ITIH5: variants seen among roughly 807,000 people sequenced by gnomAD.
The protein encoded by ITIH5 is inter-alpha-trypsin inhibitor heavy chain H5.
A neutral mutation model predicts 77.5 loss-of-function variants in ITIH5; 65 were observed. The observed-to-expected ratio is 0.84, with a 90% CI of 0.69 to 1.03. The LOEUF is 1.03. Among genes scored for constraint, ITIH5 ranks in the 50% least tolerant of loss-of-function variants. ITIH5 has a pLI of 0.00. For synonymous variants in ITIH5, 525 were observed against 494.3 expected, an observed-to-expected ratio of 1.06 and a Z score of -0.82; for missense variants, 1,208 against 1,213.1, an observed-to-expected ratio of 1.00 and a Z score of 0.06.
intron 2 of ITIH5, among the ~76,000 whole-genome samples, chr10:7,644,524 A>G (rs1464343826): frequency 8.4e-5 from 10 of 119,756 alleles, no homozygotes; most frequent in African/African-American, 2.9e-4. Flanking sequence ...TATATCACAT[A>G]TATATGATAT....
rs1440775246 is a variant in ITIH5 at position 7,629,323 on chromosome 10, A to C, written c.652+7905T>G. 1.1e-3 allele frequency among the ~76,000 whole-genome samples: 66 copies of C among 61,944 alleles called. 2 individuals carry two copies. Among genetic ancestry groups the C allele is most frequent in the African/African-American group, 3.5e-3 (46 of 13,154 alleles). The allele number at this position is 61,944 out of a possible 152,430, so 40.6% of individuals were successfully genotyped here. On this transcript the variant is annotated intron_variant, in intron 5 of 13. Coordinates refer to ENST00000397146, the MANE Select transcript of ITIH5 (RefSeq NM_030569.7). Reference sequence around the variant, plus strand: ...TGTGTCCATGTTGTAGCGTGTGCCCATGTTGTAGCGTGTGCCCATGTTGTA... The same window carrying C: ...TGTGTCCATGTTGTAGCGTGTGCCCCTGTTGTAGCGTGTGCCCATGTTGTA...
chr10:7,651,502 G>A (rs1834100600), intron 2 of ITIH5, among the ~76,000 whole-genome samples: 1 of 152,086 alleles, frequency 6.6e-6, no homozygotes, highest in African/African-American at 2.4e-5. Flanking sequence ...CAGGTGCTCG[G>A]GAGACTGAGG....
intron 2 of ITIH5, among the ~76,000 whole-genome samples, chr10:7,648,109 C>T (rs902919164): frequency 1.7e-4 from 26 of 151,476 alleles, no homozygotes; most frequent in Admixed American, 2.0e-4. Context: ...AAAAATTAGC[C>T]GGGCATGGTG....
intron 7 of ITIH5, among the ~76,000 whole-genome samples, chr10:7,591,541 C>T (rs1194727957): frequency 1.3e-5 from 2 of 152,186 alleles, no homozygotes; most frequent in African/African-American, 4.8e-5. Flanking sequence ...ACAATGTCCA[C>T]GCTGTGCCGC....
rs539892254 is a variant in ITIH5, at chr10:7,625,466, T to C, written c.653-8184A>G. ...GAATAGACTTAACACTGCCAAACAC[T>C]TAGAAGTGACTCAGATGGGCCGGGC... On this transcript the variant is annotated intron_variant, in intron 5 of 13. Transcript: ENST00000397146. Among the ~76,000 whole-genome samples the C allele has an allele frequency of 2.6e-5, 4 of 152,204 alleles. No individual in the cohort carries two copies. The East Asian group carries it at 7.7e-4, about 29-fold the overall frequency.
At chr10:7,585,850 A>AGT in intron 8 of ITIH5, 51 bp downstream of exon 8, 1 of 1,465,172 alleles carries the variant, frequency 6.8e-7, no homozygotes, top group Non-Finnish European at 9.2e-7. Context: ...ACCAAAAAAA[A>AGT]AAACATTATT....
intron 7 of ITIH5, among the ~76,000 whole-genome samples, chr10:7,609,029 G>C (rs1833188871): frequency 6.6e-6 from 1 of 152,202 alleles, no homozygotes; most frequent in Non-Finnish European, 1.5e-5. Context: ...CGGTCCATAT[G>C]TGACGTTACA....
At chr10:7,580,845 T>C (rs980439038) in intron 8 of ITIH5, among the ~76,000 whole-genome samples, 4 of 152,196 alleles carry the variant, frequency 2.6e-5, no homozygotes, top group Non-Finnish European at 5.9e-5. Context: ...CTTTCTTTGC[T>C]TCCTGTCCCT....
intron 11 of ITIH5, chr10:7,570,349 A>C (rs1832272240): frequency 1.3e-5 from 2 of 152,348 alleles, no homozygotes; most frequent in African/African-American, 4.8e-5. Flanking sequence ...AGGGAAGCAA[A>C]ATGCGAGTAG....
At chr10:7,633,871 C>T (rs1270166174) in intron 5 of ITIH5, among the ~76,000 whole-genome samples, 3 of 151,770 alleles carry the variant, frequency 2.0e-5, no homozygotes, top group Admixed American at 1.3e-4. Context: ...GGGCGGATCA[C>T]GAGGTCAGGA....
intron 4 of ITIH5, among the ~76,000 whole-genome samples, chr10:7,638,507 C>T (rs1449345068): frequency 6.6e-6 from 1 of 152,186 alleles, no homozygotes; most frequent in East Asian, 1.9e-4. Flanking sequence ...TGTTATAAGA[C>T]ATTGGAGCAA....
intron 4 of ITIH5, 68 bp downstream of exon 4, chr10:7,640,686 G>A (rs1833870816): frequency 2.1e-6 from 2 of 938,172 alleles, no homozygotes; most frequent in South Asian, 1.4e-5. Context: ...AGAGGAGTAG[G>A]CAAAGGCATA....
Position 7,565,435 on chromosome 10 carries a change from CAT to C in ITIH5, c.2527+593_2527+594del, listed in dbSNP as rs530648913. Among the ~76,000 whole-genome samples the C allele has an allele frequency of 5.6e-3, 841 of 150,064 alleles. 14 individuals are homozygous for C. Among genetic ancestry groups the C allele is most frequent in the African/African-American group, 0.019 (798 of 40,996 alleles). On this transcript the variant is annotated intron_variant, in intron 13 of 13. Coordinates refer to ENST00000397146, the MANE Select transcript of ITIH5 (RefSeq NM_030569.7). ...TAGACAGTATACATACATATATACA[CAT>C]AGACTGTGTATATATACACACAGAC...
At chr10:7,601,696 G>A (rs529715491) in intron 7 of ITIH5, among the ~76,000 whole-genome samples, 8 of 152,210 alleles carry the variant, frequency 5.3e-5, no homozygotes, top group African/African-American at 1.7e-4. Context: ...ACACAGGGCC[G>A]ACGGCCATCC....
At chr10:7,615,083 C>CT (rs1833337723) in intron 7 of ITIH5, among the ~76,000 whole-genome samples, 7 of 152,034 alleles carry the variant, frequency 4.6e-5, no homozygotes, top group Admixed American at 4.6e-4. Context: ...CCTGTCTCTA[C>CT]TAAAAATACA....
At chr10:7,635,206 A>G (rs1027635020) in intron 5 of ITIH5, among the ~76,000 whole-genome samples, 4 of 152,354 alleles carry the variant, frequency 2.6e-5, no homozygotes, top group African/African-American at 7.2e-5. Flanking sequence ...GAAGGCACCA[A>G]TGATCTTATT....
Position 7,637,307 on chromosome 10 carries a change from G to C in ITIH5, c.573C>G (p.Ile191Met). The part of the protein sequence containing the change: ...LSGRLSVDVN[I>M]LESAGIASLE... ...GGGATGCGATGCCCGCGCTCTCCAG[G>C]ATATTCACGTCCACGCTCAGCCTCC... is the stretch of plus-strand genomic sequence containing the variant. The change falls in exon 5 of 14, where the codon ATC becomes ATG. Residue 191 changes from isoleucine to methionine, a missense_variant. By Grantham distance (10) the Ile-to-Met change is conservative. Coordinates refer to ENST00000397146, the MANE Select transcript of ITIH5 (RefSeq NM_030569.7). The C allele has an allele frequency of 6.2e-7, 1 of 1,613,710 alleles. No homozygotes were observed. Among genetic ancestry groups the C allele is most frequent in the Non-Finnish European group, 8.5e-7 (1 of 1,180,034 alleles).
At chr10:7,594,380 C>T (rs889431848) in intron 7 of ITIH5, among the ~76,000 whole-genome samples, 1 of 152,144 alleles carries the variant, frequency 6.6e-6, no homozygotes, top group African/African-American at 2.4e-5. Flanking sequence ...ACGCTCGTGT[C>T]CTCTAAGCTC....
At chr10:7,614,015 A>G (rs1309098636) in intron 7 of ITIH5, among the ~76,000 whole-genome samples, 1 of 152,210 alleles carries the variant, frequency 6.6e-6, no homozygotes, top group African/African-American at 2.4e-5. Flanking sequence ...GCCTCAAACT[A>G]TTTCTACAAA....
Sources: gnomAD v4.1 joint callset for allele counts (sites outside exome capture counted in the v4.1 genomes callset) on GRCh38, gnomAD v4.1.1 for gene constraint, MANE v1.5 for transcripts, NCBI Gene and HGNC (gene_info 2026-07-23, HGNC 2026-07-21) for gene names.